Variants in VWA3B observed in about 807,000 individuals in gnomAD.
VWA3B encodes von Willebrand factor A domain-containing protein 3B.
VWA3B carries 138 observed loss-of-function variants against 158.3 expected under a neutral mutation model. That is an observed-to-expected ratio of 0.87 (90% CI 0.76 to 1.00). The LOEUF is 1.00. Ranked by LOEUF, VWA3B falls within the 50% of genes least tolerant of loss-of-function variation. The probability of loss-of-function intolerance (pLI) is 0.00; values close to 1 mark genes in which losing one functional copy is unlikely to be tolerated. For synonymous variants in VWA3B, 596 were observed against 587.3 expected, an observed-to-expected ratio of 1.01 and a Z score of -0.21; for missense variants, 1,555 against 1,565.1, an observed-to-expected ratio of 0.99 and a Z score of 0.11.
intron 22 of VWA3B, among the ~76,000 whole-genome samples, chr2:98,289,284 C>A (rs1689350820): frequency 6.6e-6 from 1 of 152,130 alleles, no homozygotes; most frequent in South Asian, 2.1e-4. Context: ...TGGGAGACTT[C>A]CTGCTGTCTG....
intron 14 of VWA3B, among the ~76,000 whole-genome samples, chr2:98,226,452 A>G (rs945346504): frequency 6.6e-6 from 1 of 152,220 alleles, no homozygotes; most frequent in African/African-American, 2.4e-5. Context: ...AATCTAAAAC[A>G]TAAAACTGTA....
At chr2:98,133,790 C>A in intron 6 of VWA3B, 34 bp from the exon 7 acceptor site, 1 of 1,595,164 alleles carries the variant, frequency 6.3e-7, no homozygotes, top group Non-Finnish European at 8.6e-7. Context: ...CACCTGCGTA[C>A]TGCCTTCCTA....
At chr2:98,162,798 C>T (rs1429062461) in intron 7 of VWA3B, 53 bp from the exon 8 acceptor site, 5 of 1,602,528 alleles carry the variant, frequency 3.1e-6, no homozygotes, top group Non-Finnish European at 4.3e-6. Flanking sequence ...GGCGGGCTGC[C>T]ACATTCCTGG....
At chr2:98,318,945 C>G in the VWA3B span, among the ~76,000 whole-genome samples, 1 of 152,180 alleles carries the variant, frequency 6.6e-6, no homozygotes, top group Non-Finnish European at 1.5e-5. Context: ...CCCTGTGGAA[C>G]CCATGGATAT....
Position 98,303,820 on chromosome 2 carries a change from T to G in VWA3B, c.3521+18T>G. 3 of 1,607,578 alleles carry G rather than the reference T, an allele frequency of 1.9e-6. No homozygotes were observed. The highest frequency in any genetic ancestry group is 2.6e-6 in the Non-Finnish European group (3 of 1,174,034). On this transcript the variant is annotated intron_variant, in intron 26 of 27. Coordinates refer to ENST00000477737, the MANE Select transcript of VWA3B (RefSeq NM_144992.5). ...CCAGAAGTGTAAGTGTACTCAACTTTTATCTCTTGAATATTAATTTATATC... is the reference window on the plus strand; with the variant it reads ...CCAGAAGTGTAAGTGTACTCAACTTGTATCTCTTGAATATTAATTTATATC...
At chr2:98,089,394 G>T (rs534915154) in intron 1 of VWA3B, among the ~76,000 whole-genome samples, 2 of 152,244 alleles carry the variant, frequency 1.3e-5, no homozygotes, top group Non-Finnish European at 2.9e-5. Context: ...GGTTGTGAAG[G>T]GGTTTCGGGG....
intron 22 of VWA3B, among the ~76,000 whole-genome samples, chr2:98,278,680 T>G (rs1214796935): frequency 6.6e-6 from 1 of 152,166 alleles, no homozygotes; most frequent in Non-Finnish European, 1.5e-5. Flanking sequence ...GACGTCAGGC[T>G]GCTGCTTCTC....
In VWA3B at chr2:98,212,143, C is replaced by T. The variant is rs1262653688; in HGVS notation, c.1836+115C>T. On this transcript the variant is annotated intron_variant, in intron 13 of 27. Transcript: ENST00000477737. ...ACCAAAAATCTGTGGACATATACTTCCTTGGCTTAGGGACTCAGATCTGAG... is the reference window on the plus strand; with the variant it reads ...ACCAAAAATCTGTGGACATATACTTTCTTGGCTTAGGGACTCAGATCTGAG... 6.2e-6 allele frequency: 5 copies of T among 804,886 alleles called. No homozygotes were observed. The East Asian group carries it at 1.0e-4, about 17-fold the overall frequency. 49.9% of individuals were successfully genotyped at this position (804,886 alleles called of 1,614,324 possible).
chr2:98,241,310 C>G (rs1342136938), intron 19 of VWA3B, among the ~76,000 whole-genome samples: 1 of 151,740 alleles, frequency 6.6e-6, no homozygotes, highest in Non-Finnish European at 1.5e-5. Context: ...GAAGGAAGGG[C>G]CTTGATTGAA....
chr2:98,277,067 C>T (rs999384959), intron 22 of VWA3B, among the ~76,000 whole-genome samples: 7 of 152,136 alleles, frequency 4.6e-5, no homozygotes, highest in African/African-American at 1.4e-4. Flanking sequence ...AAGTGAGAGC[C>T]GTTATTCCCA....
chr2:98,147,366 G>A (rs1321965002), intron 7 of VWA3B, among the ~76,000 whole-genome samples: 1 of 152,020 alleles, frequency 6.6e-6, no homozygotes, highest in Non-Finnish European at 1.5e-5. Flanking sequence ...GGAGAAGAGA[G>A]GAAAAGAAAC....
chr2:98,104,183 A>G (rs1003893653), intron 2 of VWA3B, among the ~76,000 whole-genome samples: 1 of 152,212 alleles, frequency 6.6e-6, no homozygotes, highest in Non-Finnish European at 1.5e-5. Flanking sequence ...AATTCAACCA[A>G]TTAATTAAAT....
intron 7 of VWA3B, among the ~76,000 whole-genome samples, chr2:98,146,879 G>A (rs1364927347): frequency 6.6e-6 from 1 of 152,140 alleles, no homozygotes; most frequent in Non-Finnish European, 1.5e-5. Flanking sequence ...ATGTATGAAG[G>A]CGTGGGCTCT....
intron 7 of VWA3B, among the ~76,000 whole-genome samples, chr2:98,162,536 G>A (rs1175224193): frequency 6.6e-6 from 1 of 152,112 alleles, no homozygotes; most frequent in African/African-American, 2.4e-5. Flanking sequence ...GCTTGTGTGA[G>A]GTGCTTTTGA....
intron 13 of VWA3B, among the ~76,000 whole-genome samples, chr2:98,212,923 C>T (rs904539697): frequency 3.9e-5 from 6 of 152,118 alleles, no homozygotes; most frequent in African/African-American, 1.4e-4. Context: ...AGTAACAGCT[C>T]ATCCCTGCCT....
intron 26 of VWA3B, 64 bp downstream of exon 26, chr2:98,303,866 TTGAGA>T: frequency 6.7e-7 from 1 of 1,500,708 alleles, no homozygotes; most frequent in South Asian, 1.2e-5. Flanking sequence ...TAATCTGTTT[TTGAGA>T]TGAGATCCAT....
rs1207749570 is a variant in VWA3B, at chr2:98,230,023, C to T, written c.2151-27C>T. ...ATTTTCTTTTCTCTCTCTTTTTTTG[C>T]TCGACTTTTTATCTAAATCAAAACA... is the stretch of plus-strand genomic sequence containing the variant. On this transcript the variant is annotated intron_variant, in intron 15 of 27. Transcript: ENST00000477737. The T allele has an allele frequency of 2.6e-6, 4 of 1,541,586 alleles. No homozygotes were observed. In the African/African-American group the frequency reaches 4.2e-5, roughly 16 times the overall value.
intron 13 of VWA3B, among the ~76,000 whole-genome samples, chr2:98,213,950 G>A (rs1219726508): frequency 6.6e-6 from 1 of 152,144 alleles, no homozygotes; most frequent in African/African-American, 2.4e-5. Context: ...CAACACTTTG[G>A]TAGGCTGAGG....
At chr2:98,132,042 G>C (rs568850957) in intron 6 of VWA3B, among the ~76,000 whole-genome samples, 2 of 152,298 alleles carry the variant, frequency 1.3e-5, no homozygotes, top group South Asian at 4.1e-4. Context: ...CTCGCTAGTT[G>C]AAAGAGAAGA....
Sources: gnomAD v4.1 joint callset for allele counts (sites outside exome capture counted in the v4.1 genomes callset) on GRCh38, gnomAD v4.1.1 for gene constraint, MANE v1.5 for transcripts, NCBI Gene and HGNC (gene_info 2026-07-23, HGNC 2026-07-21) for gene names.